Variants in CNTNAP2 observed in about 807,000 individuals in gnomAD.
CNTNAP2 encodes contactin associated protein 2.
A neutral mutation model predicts 155.2 loss-of-function variants in CNTNAP2; 98 were observed. That is an observed-to-expected ratio of 0.63 (90% CI 0.54 to 0.75). The LOEUF (loss-of-function observed/expected upper bound fraction) is 0.75, where lower values mean the gene tolerates loss of function less well. CNTNAP2 is among the 30% of genes least tolerant of loss of function. The pLI is 0.00. For missense variants in CNTNAP2, 1,727 were observed against 1,688.1 expected (o/e 1.02, Z -0.40); for synonymous variants, 651 against 631.2 (o/e 1.03, Z -0.47).
intron 18 of CNTNAP2, among the ~76,000 whole-genome samples, chr7:148,197,099 TACAC>T (rs891139513): frequency 9.9e-5 from 15 of 152,192 alleles, no homozygotes; most frequent in Admixed American, 7.2e-4. Flanking sequence ...CATCATAAAA[TACAC>T]ACAAAGGGAA....
intron 20 of CNTNAP2, among the ~76,000 whole-genome samples, chr7:148,236,741 T>C (rs1563006311): frequency 6.6e-6 from 1 of 152,364 alleles, no homozygotes; most frequent in East Asian, 1.9e-4. Flanking sequence ...ACAAGACGCA[T>C]AGCAGCTTCT....
chr7:146,651,940 T>C (rs1799921830), intron 1 of CNTNAP2, among the ~76,000 whole-genome samples: 1 of 152,152 alleles, frequency 6.6e-6, no homozygotes, highest in African/African-American at 2.4e-5. Context: ...GCTTATATTA[T>C]GATAGGCTGG....
Position 146,305,255 on chromosome 7 carries a change from G to A in CNTNAP2, c.97+188282G>A, listed in dbSNP as rs141242999. Among the ~76,000 whole-genome samples, 279 of 152,116 alleles carry A rather than the reference G, an allele frequency of 1.8e-3. 3 individuals are homozygous for A. Among genetic ancestry groups the A allele is most frequent in the African/African-American group, 6.2e-3 (258 of 41,532 alleles). ...TCAGAGAAGTTTGTTGTTGCCAGTC[G>A]TCTGAAGCCTTCTTCTCTCAACTCG... On this transcript the variant is annotated intron_variant, in intron 1 of 23. Coordinates refer to ENST00000361727, the MANE Select transcript of CNTNAP2 (RefSeq NM_014141.6).
At chr7:148,392,192 G>A (rs944653494) in intron 22 of CNTNAP2, among the ~76,000 whole-genome samples, 1 of 139,092 alleles carries the variant, frequency 7.2e-6, no homozygotes, top group African/African-American at 2.9e-5. Context: ...TACTGCCTCG[G>A]CCTCCTGAGT....
chr7:148,406,785 C>T (rs1238117213), intron 22 of CNTNAP2, among the ~76,000 whole-genome samples: 1 of 152,230 alleles, frequency 6.6e-6, no homozygotes, highest in Non-Finnish European at 1.5e-5. Context: ...GAATTGTATA[C>T]ATTCATAACC....
chr7:146,501,508 T>C (rs887513371), intron 1 of CNTNAP2, among the ~76,000 whole-genome samples: 2 of 152,224 alleles, frequency 1.3e-5, no homozygotes, highest in Non-Finnish European at 2.9e-5. Context: ...CATAGAATTG[T>C]TTATATTATT....
At chr7:147,928,717 T>G (rs74820911) in intron 14 of CNTNAP2, among the ~76,000 whole-genome samples, 1 of 152,196 alleles carries the variant, frequency 6.6e-6, no homozygotes, top group Admixed American at 6.5e-5. Context: ...TACCTGACTA[T>G]GTAGTGGGTT....
chr7:147,867,894 CA>C (rs1799261032), intron 13 of CNTNAP2, among the ~76,000 whole-genome samples: 1 of 152,122 alleles, frequency 6.6e-6, no homozygotes, highest in Non-Finnish European at 1.5e-5. Context: ...TGTGTTAGAA[CA>C]TGCTCCTTTA....
chr7:146,785,871 T>C (rs956381099), intron 2 of CNTNAP2, among the ~76,000 whole-genome samples: 4 of 152,228 alleles, frequency 2.6e-5, no homozygotes, highest in African/African-American at 9.6e-5. Context: ...TTCACATACA[T>C]GGCTTTCGAC....
chr7:147,849,864 A>G (rs1798894134), intron 13 of CNTNAP2: 1 of 152,268 alleles, frequency 6.6e-6, no homozygotes, highest in Non-Finnish European at 1.5e-5. Flanking sequence ...GACACAAACC[A>G]AAAATGGAAG....
At chr7:146,138,612 A>G (rs1001744479) in intron 1 of CNTNAP2, among the ~76,000 whole-genome samples, 2 of 152,130 alleles carry the variant, frequency 1.3e-5, no homozygotes, top group African/African-American at 4.8e-5. Context: ...TGACTAATCA[A>G]CATGTTCAGT....
At chr7:146,286,695 A>G (rs1343643293) in intron 1 of CNTNAP2, among the ~76,000 whole-genome samples, 1 of 152,108 alleles carries the variant, frequency 6.6e-6, no homozygotes, top group Non-Finnish European at 1.5e-5. Context: ...TCCGACCCCT[A>G]CAGAAACAGA....
At chr7:146,951,637 T>C (rs1797315199) in intron 3 of CNTNAP2, among the ~76,000 whole-genome samples, 1 of 152,066 alleles carries the variant, frequency 6.6e-6, no homozygotes, top group African/African-American at 2.4e-5. Context: ...GGCATCTGTT[T>C]GTTCCATTGG....
At chr7:148,074,701 T>C (rs1178001262) in intron 15 of CNTNAP2, among the ~76,000 whole-genome samples, 1 of 151,314 alleles carries the variant, frequency 6.6e-6, no homozygotes, top group Non-Finnish European at 1.5e-5. Context: ...AAAAAAAAAT[T>C]GAGAATCTAA....
intron 1 of CNTNAP2, among the ~76,000 whole-genome samples, chr7:146,553,644 T>G (rs919328283): frequency 6.6e-6 from 1 of 152,060 alleles, no homozygotes; most frequent in Non-Finnish European, 1.5e-5. Context: ...CATTTACATT[T>G]GAAAGAAAAT....
intron 10 of CNTNAP2, among the ~76,000 whole-genome samples, chr7:147,444,730 A>G (rs1797702959): frequency 6.6e-6 from 1 of 152,192 alleles, no homozygotes; most frequent in Non-Finnish European, 1.5e-5. Flanking sequence ...AAGAGGAACC[A>G]GGGAGATAGC....
At chr7:148,366,939 A>G (rs1798793462) in intron 21 of CNTNAP2, among the ~76,000 whole-genome samples, 1 of 152,224 alleles carries the variant, frequency 6.6e-6, no homozygotes, top group African/African-American at 2.4e-5. Flanking sequence ...AGCCATTAAG[A>G]AAAACCATCA....
chr7:148,193,327 A>G (rs1562990403), intron 18 of CNTNAP2, among the ~76,000 whole-genome samples: 1 of 152,222 alleles, frequency 6.6e-6, no homozygotes, highest in African/African-American at 2.4e-5. Context: ...TGGGGTGGAC[A>G]CAACCCACGT....
intron 13 of CNTNAP2, among the ~76,000 whole-genome samples, chr7:147,700,609 A>G (rs1796222452): frequency 6.6e-6 from 1 of 152,226 alleles, no homozygotes. Context: ...AAGAAATATC[A>G]GAAGGAAGAA....
Sources: allele counts gnomAD v4.1 joint callset (sites outside exome capture counted in the v4.1 genomes callset), GRCh38; gene constraint gnomAD v4.1.1; transcripts MANE v1.5; gene names NCBI Gene and HGNC (gene_info 2026-07-23, HGNC 2026-07-21).